Variants in DOCK3 observed in about 807,000 individuals in gnomAD.
DOCK3 encodes the protein dedicator of cytokinesis protein 3.
DOCK3 carries 60 observed loss-of-function variants against 265.6 expected under a neutral mutation model. The observed-to-expected ratio is 0.23, with a 90% confidence interval of 0.18 to 0.28. The LOEUF is 0.28. Among genes scored for constraint, DOCK3 ranks in the 10% least tolerant of loss-of-function variants. DOCK3 has a pLI of 1.00. For missense variants in DOCK3, 1,981 were observed against 2,594.3 expected (o/e 0.76, Z 5.14); for synonymous variants, 881 against 938.0 (o/e 0.94, Z 1.11).
At chr3:50,952,652 G>T (rs914546095) in intron 5 of DOCK3, among the ~76,000 whole-genome samples, 1 of 152,086 alleles carries the variant, frequency 6.6e-6, no homozygotes, top group African/African-American at 2.4e-5. Flanking sequence ...AGTGTCACTG[G>T]GTTCCATGAG....
At chr3:51,380,013 G>A (rs1553618028) in intron 51 of DOCK3, 112 bp from the exon 52 acceptor site, 4 of 955,106 alleles carry the variant, frequency 4.2e-6, no homozygotes, top group Middle Eastern at 2.9e-4. Flanking sequence ...TCAATGCTGA[G>A]GGGTCCCCAG....
intron 1 of DOCK3, among the ~76,000 whole-genome samples, chr3:50,759,084 T>C (rs2040370811): frequency 6.6e-6 from 1 of 152,196 alleles, no homozygotes; most frequent in Admixed American, 6.5e-5. Context: ...TATACAAATA[T>C]CTGTCCTTGT....
At chr3:51,191,168 G>A (rs758052510) in intron 12 of DOCK3, among the ~76,000 whole-genome samples, 5 of 151,862 alleles carry the variant, frequency 3.3e-5, no homozygotes, top group Non-Finnish European at 5.9e-5. Context: ...GGGCTTTCAC[G>A]CTACACCCCT....
rs1476264012 is a variant in DOCK3 at position 50,941,187 on chromosome 3, G to A, written c.315+7110G>A. ...AAATTATATATCCATCAAAAGATTT[G>A]TATCTAGAATATTTATGGAACTCTG... is the stretch of plus-strand genomic sequence containing the variant. On this transcript the variant is annotated intron_variant, in intron 5 of 52. Transcript: ENST00000266037. Among the ~76,000 whole-genome samples the A allele has an allele frequency of 3.3e-5, 5 of 152,222 alleles. No homozygotes were observed. In the East Asian group the frequency reaches 5.8e-4, roughly 18 times the overall value.
intron 15 of DOCK3, among the ~76,000 whole-genome samples, chr3:51,226,665 C>T (rs1466670269): frequency 6.6e-6 from 1 of 152,210 alleles, no homozygotes; most frequent in African/African-American, 2.4e-5. Context: ...GATCACATCA[C>T]CCCTGTGTGG....
At chr3:51,146,501 G>T in intron 9 of DOCK3, 48 bp from the exon 10 acceptor site, 1 of 1,536,058 alleles carries the variant, frequency 6.5e-7, no homozygotes, top group Non-Finnish European at 8.8e-7. Context: ...TCTTTGTTCT[G>T]GAGTGTGTTA....
chr3:50,726,607 T>C (rs577754495), intron 1 of DOCK3, among the ~76,000 whole-genome samples: 2 of 152,322 alleles, frequency 1.3e-5, no homozygotes, highest in Admixed American at 1.3e-4. Context: ...AGTATTATTA[T>C]TATTTTTTTT....
At chr3:51,118,298 T>G (rs1006659277) in intron 9 of DOCK3, among the ~76,000 whole-genome samples, 3 of 152,236 alleles carry the variant, frequency 2.0e-5, no homozygotes, top group Non-Finnish European at 4.4e-5. Context: ...TGTGTTCTAA[T>G]TTGATTGCAC....
chr3:51,047,245 AG>A (rs1053183778), intron 5 of DOCK3, among the ~76,000 whole-genome samples: 3 of 65,616 alleles, frequency 4.6e-5, no homozygotes, highest in Admixed American at 2.4e-4. Context: ...AACATCACAC[AG>A]GGGCCTGTCA....
At chr3:50,900,262 C>G (rs1346884890) in intron 4 of DOCK3, among the ~76,000 whole-genome samples, 1 of 151,958 alleles carries the variant, frequency 6.6e-6, no homozygotes, top group African/African-American at 2.4e-5. Context: ...TCCACTTGAT[C>G]GGTTCGGCTA....
chr3:50,753,522 G>A (rs1436281139), intron 1 of DOCK3, among the ~76,000 whole-genome samples: 2 of 151,916 alleles, frequency 1.3e-5, no homozygotes, highest in African/African-American at 4.8e-5. Flanking sequence ...TTGTTTGTTT[G>A]TTTGTTTTTA....
chr3:51,141,692 C>T (rs970253129), intron 9 of DOCK3, among the ~76,000 whole-genome samples: 1 of 152,110 alleles, frequency 6.6e-6, no homozygotes, highest in Non-Finnish European at 1.5e-5. Context: ...GGATCAGTCT[C>T]TCCAAGAATG....
intron 19 of DOCK3, among the ~76,000 whole-genome samples, chr3:51,235,301 TATC>T (rs1158130899): frequency 6.6e-6 from 1 of 152,194 alleles, no homozygotes; most frequent in African/African-American, 2.4e-5. Flanking sequence ...ATATTGAAAA[TATC>T]AACCAGTAAA....
intron 2 of DOCK3, among the ~76,000 whole-genome samples, chr3:50,813,932 T>C (rs941965052): frequency 6.6e-6 from 1 of 152,150 alleles, no homozygotes; most frequent in African/African-American, 2.4e-5. Context: ...GTAATAAAAG[T>C]AGAAATAAAC....
At chr3:50,698,193 C>G (rs539986621) in intron 1 of DOCK3, among the ~76,000 whole-genome samples, 6 of 152,164 alleles carry the variant, frequency 3.9e-5, no homozygotes, top group Middle Eastern at 6.8e-3. Flanking sequence ...CTCTCTCCCC[C>G]ACCCGGGCAC....
intron 6 of DOCK3, among the ~76,000 whole-genome samples, 199 bp from the exon 7 acceptor site, chr3:51,075,157 A>G (rs929662031): frequency 6.6e-6 from 1 of 152,222 alleles, no homozygotes; most frequent in South Asian, 2.1e-4. Context: ...CTGAACTGGA[A>G]TTGTGTCAAC....
At chr3:51,086,211 T>G (rs2082418060) in intron 7 of DOCK3, among the ~76,000 whole-genome samples, 1 of 152,230 alleles carries the variant, frequency 6.6e-6, no homozygotes, top group Non-Finnish European at 1.5e-5. Flanking sequence ...GCTAGTTATC[T>G]GCAGCAGGAG....
At chr3:51,266,686 T>G (rs940000235) in intron 23 of DOCK3, among the ~76,000 whole-genome samples, 4 of 152,190 alleles carry the variant, frequency 2.6e-5, no homozygotes, top group African/African-American at 9.7e-5. Context: ...TCAAGATGTA[T>G]TAAAGACTTA....
At chr3:50,732,845 T>C (rs2038309445) in intron 1 of DOCK3, among the ~76,000 whole-genome samples, 1 of 152,238 alleles carries the variant, frequency 6.6e-6, no homozygotes, top group African/African-American at 2.4e-5. Flanking sequence ...TATGTAGTAA[T>C]GTTTTGAAAA....
Sources: allele counts gnomAD v4.1 joint callset (sites outside exome capture counted in the v4.1 genomes callset), GRCh38; gene constraint gnomAD v4.1.1; transcripts MANE v1.5; gene names NCBI Gene and HGNC (gene_info 2026-07-23, HGNC 2026-07-21).